Variants in FSHB observed in about 807,000 individuals in gnomAD.
FSHB encodes follitropin subunit beta.
In FSHB, 8 loss-of-function variants were observed where a neutral mutation model predicts 12.1. The observed-to-expected ratio is 0.66, with a 90% CI of 0.39 to 1.19. The LOEUF is 1.19. Ranked by LOEUF, FSHB falls within the 50% of genes most tolerant of loss-of-function variation. FSHB has a pLI of 0.01. For synonymous variants in FSHB, 55 were observed against 54.6 expected, an observed-to-expected ratio of 1.01 and a Z score of -0.04; for missense variants, 153 against 157.2, an observed-to-expected ratio of 0.97 and a Z score of 0.14.
Position 30,231,839 on chromosome 11 carries a change from A to G in FSHB, c.-37-27A>G, listed in dbSNP as rs1410199870. 8.9e-6 allele frequency: 14 copies of G among 1,581,338 alleles called. No homozygotes were observed. The Admixed American group carries it at 2.3e-4, about 26-fold the overall frequency. On this transcript the variant is annotated intron_variant, in intron 1 of 2. Coordinates refer to ENST00000533718, the MANE Select transcript of FSHB (RefSeq NM_001382289.1). The stretch of plus-strand genomic sequence containing the variant: ...TATTTTTGGTTTGGTCAGCTTACAT[A>G]ATGATTATCGTTCTTTGGTTTCTCA...
chr11:30,231,667 C>G (rs1419684349), intron 1 of FSHB, among the ~76,000 whole-genome samples, 199 bp from the exon 2 acceptor site: 2 of 152,022 alleles, frequency 1.3e-5, no homozygotes, highest in Non-Finnish European at 2.9e-5. Context: ...GAGTTTTGAT[C>G]TATAATATAT....
intron 2 of FSHB, 45 bp downstream of exon 2, chr11:30,232,106 A>T (rs1180102123): frequency 4.4e-6 from 7 of 1,593,242 alleles, no homozygotes; most frequent in Non-Finnish European, 6.0e-6. Context: ...GAAGGTCTGT[A>T]TTAGGCCGGT....
chr11:30,233,661 G>A lies in FSHB; in HGVS notation c.251G>A (p.Cys84Tyr). 6.2e-7 allele frequency: 1 copy of A among 1,614,054 alleles called. No homozygotes were observed. Among genetic ancestry groups the A allele is most frequent in the Non-Finnish European group, 8.5e-7 (1 of 1,179,960 alleles). Residue 84 changes from cysteine to tyrosine, a missense_variant, in exon 3 of 3, where the codon TGT becomes TAT. By Grantham distance (194) the Cys-to-Tyr change is radical (BLOSUM62 -2). Transcript: ENST00000533718. ...LVYETVRVPG[C>Y]AHHADSLYTY... Reference sequence around the variant, plus strand: ...TACGAAACAGTGAGAGTGCCCGGCTGTGCTCACCATGCAGATTCCTTGTAT... The same window carrying A: ...TACGAAACAGTGAGAGTGCCCGGCTATGCTCACCATGCAGATTCCTTGTAT...
intron 2 of FSHB, 119 bp downstream of exon 2, chr11:30,232,180 C>G: frequency 9.9e-7 from 1 of 1,011,300 alleles, no homozygotes; most frequent in African/African-American, 1.6e-5. Flanking sequence ...GTCCTTTAGC[C>G]AAGACTGTCT....
intron 2 of FSHB, among the ~76,000 whole-genome samples, chr11:30,233,109 T>G (rs548062508): frequency 6.6e-6 from 1 of 152,312 alleles, no homozygotes; most frequent in African/African-American, 2.4e-5. Context: ...ATGTTAGCCT[T>G]AGCAAACATG....
intron 1 of FSHB, 120 bp from the exon 2 acceptor site, chr11:30,231,746 A>G (rs1423290325): frequency 8.4e-6 from 6 of 715,188 alleles, no homozygotes; most frequent in African/African-American, 1.8e-5. Context: ...AGATGTAAGT[A>G]AAAAGGCATA....
At chr11:30,232,461 C>A (rs1329281754) in intron 2 of FSHB, among the ~76,000 whole-genome samples, 1 of 152,130 alleles carries the variant, frequency 6.6e-6, no homozygotes, top group African/African-American at 2.4e-5. Flanking sequence ...CAAAATCACA[C>A]CAAAATATGT....
At chr11:30,233,213 G>A (rs1350364300) in intron 2 of FSHB, among the ~76,000 whole-genome samples, 2 of 151,952 alleles carry the variant, frequency 1.3e-5, no homozygotes, top group African/African-American at 2.4e-5. Flanking sequence ...TGAGACATTG[G>A]ATATCTTTGT....
In FSHB at chr11:30,233,983, A is replaced by G; in HGVS notation, c.*183A>G. The stretch of plus-strand genomic sequence containing the variant: ...TGAGAGTGCTGGGGGCCAGGACTCC[A>G]TCATGATTCAGCTCTATATTCCTAG... On this transcript the variant is annotated 3_prime_UTR_variant, in exon 3 of 3. Coordinates refer to ENST00000533718, the MANE Select transcript of FSHB (RefSeq NM_001382289.1). The G allele has an allele frequency of 1.6e-6, 1 of 633,142 alleles. No individual in the cohort carries two copies. The allele number at this position is 633,142 out of a possible 1,614,324, so 39.2% of individuals were successfully genotyped here.
At chr11:30,231,631 A>G (rs1170044494) in intron 1 of FSHB, among the ~76,000 whole-genome samples, 1 of 152,240 alleles carries the variant, frequency 6.6e-6, no homozygotes, top group East Asian at 1.9e-4. Flanking sequence ...ATCTTTAAAT[A>G]TTCCTCTGCT....
Position 30,232,028 on chromosome 11 carries a change from C to CA in FSHB, c.127dup (p.Thr43AsnfsTer16). The CA allele has an allele frequency of 6.2e-7, 1 of 1,613,960 alleles. No homozygotes were observed. Reference sequence around the variant, plus strand: ...AATGTCGTTTCTGCATAAGCATCAACACCACTTGGTGTGCTGGCTACTGCT... The same window carrying CA: ...AATGTCGTTTCTGCATAAGCATCAACAACCACTTGGTGTGCTGGCTACTGCT... On this transcript the variant is annotated frameshift_variant, in exon 2 of 3. Transcript: ENST00000533718. LOFTEE classifies it high-confidence loss of function.
chr11:30,233,868 G>A lies in FSHB; in HGVS notation c.*68G>A, dbSNP rs780936807. ...ACCAAGATATTCAAAAAGTCTGTGT[G>A]TGTGCAATGTGCCCAGGGGACAAAC... On this transcript the variant is annotated 3_prime_UTR_variant, in exon 3 of 3. Transcript: ENST00000533718. The A allele has an allele frequency of 6.9e-6, 9 of 1,305,460 alleles. No homozygotes were observed. Among genetic ancestry groups the A allele is most frequent in the Non-Finnish European group, 9.8e-6 (9 of 916,154 alleles). 80.9% of individuals were successfully genotyped at this position (1,305,460 alleles called of 1,614,324 possible).
In FSHB at chr11:30,234,137, G is replaced by A. The variant is rs1852049617; in HGVS notation, c.*337G>A. On this transcript the variant is annotated 3_prime_UTR_variant, in exon 3 of 3. Coordinates refer to ENST00000533718, the MANE Select transcript of FSHB (RefSeq NM_001382289.1). ...GGAAACATAAGCCTAGAAGGAGGAA[G>A]CAGTAATGGGAGTGAGTGAAAGAAC... is the stretch of plus-strand genomic sequence containing the variant. The A allele has an allele frequency of 2.9e-6, 1 of 343,180 alleles. No homozygotes were observed. The highest frequency in any genetic ancestry group is 5.7e-6 in the Non-Finnish European group (1 of 176,240). The allele number at this position is 343,180 out of a possible 1,614,324, so 21.3% of individuals were successfully genotyped here. A position where few individuals can be genotyped will look rare whatever the true frequency, so the allele number is the denominator to read the frequency against.
intron 1 of FSHB, 107 bp from the exon 2 acceptor site, chr11:30,231,759 G>T: frequency 1.2e-6 from 1 of 824,256 alleles, no homozygotes; most frequent in South Asian, 1.5e-5. Flanking sequence ...AAGGCATAAG[G>T]AAGGAAAAAA....
chr11:30,235,081 G>C lies in FSHB; in HGVS notation c.*1281G>C, dbSNP rs1355389753. The C allele has an allele frequency of 2.0e-5, 3 of 152,064 alleles. No homozygotes were observed. The highest frequency in any genetic ancestry group is 4.4e-5 in the Non-Finnish European group (3 of 67,998). The allele number at this position is 152,064 out of a possible 1,614,324, so 9.4% of individuals were successfully genotyped here. ...GTTTTATGTACAAACAGATGACTTA[G>C]ATATTCTGTATTTTATAATATTAGT... On this transcript the variant is annotated 3_prime_UTR_variant, in exon 3 of 3. Coordinates refer to ENST00000533718, the MANE Select transcript of FSHB (RefSeq NM_001382289.1).
At chr11:30,233,348 T>C (rs1253822518) in intron 2 of FSHB, among the ~76,000 whole-genome samples, 1 of 152,204 alleles carries the variant, frequency 6.6e-6, no homozygotes, top group Non-Finnish European at 1.5e-5. Context: ...AAATAGTTAA[T>C]ATTTTGATAT....
Position 30,233,517 on chromosome 11 carries a change from TAAA to T in FSHB, c.160-52_160-50del, listed in dbSNP as rs1852035512. 8 of 1,425,770 alleles carry T rather than the reference TAAA, an allele frequency of 5.6e-6. No homozygotes were observed. The Middle Eastern group carries it at 5.2e-4, about 93-fold the overall frequency. The allele number at this position is 1,425,770 out of a possible 1,614,324, so 88.3% of individuals were successfully genotyped here. On this transcript the variant is annotated intron_variant, in intron 2 of 2. Transcript: ENST00000533718. ...AATTTCTGTCTCATTTTGACTAAGCTAAATAGGAACTTCCACAATACCATAACC... is the reference window on the plus strand; with the variant it reads ...AATTTCTGTCTCATTTTGACTAAGCTTAGGAACTTCCACAATACCATAACC...
intron 1 of FSHB, among the ~76,000 whole-genome samples, 177 bp from the exon 2 acceptor site, chr11:30,231,689 C>A (rs140675150): frequency 1.4e-4 from 21 of 151,924 alleles, no homozygotes; most frequent in Middle Eastern, 3.4e-3. Flanking sequence ...CCCACCCTGA[C>A]CCAAAAATTG....
In FSHB at chr11:30,233,779, CT is replaced by C. The variant is rs1852042548; in HGVS notation, c.372del (p.Phe124LeufsTer4). ...GAGGCCTGGGGCCCAGCTACTGCTC[CT>C]TTGGTGAAATGAAAGAATAAAGATC... is the stretch of plus-strand genomic sequence containing the variant. ...VRGLGPSYCS[F>X]GEMKE On this transcript the variant is annotated frameshift_variant, in exon 3 of 3. Transcript: ENST00000533718. LOFTEE classifies it high-confidence loss of function. 4 of 1,613,708 alleles carry C rather than the reference CT, an allele frequency of 2.5e-6. No homozygotes were observed. The highest frequency in any genetic ancestry group is 1.1e-5 in the South Asian group (1 of 91,072).
Sources: gnomAD v4.1 joint callset for allele counts (sites outside exome capture counted in the v4.1 genomes callset) on GRCh38, gnomAD v4.1.1 for gene constraint, MANE v1.5 for transcripts, NCBI Gene and HGNC (gene_info 2026-07-23, HGNC 2026-07-21) for gene names.